Variants in CSMD1 observed in about 807,000 individuals in gnomAD.
The protein encoded by CSMD1 is CUB and Sushi multiple domains 1, also known as CUB and sushi domain-containing protein 1.
CSMD1 carries 213 observed loss-of-function variants against 417.5 expected under a neutral mutation model. The observed-to-expected ratio is 0.51, with a 90% CI of 0.46 to 0.57. The LOEUF (loss-of-function observed/expected upper bound fraction) is 0.57, where lower values mean the gene tolerates loss of function less well. Ranked by LOEUF, CSMD1 falls within the 20% of genes least tolerant of loss-of-function variation. CSMD1 has a pLI of 0.00. For synonymous variants in CSMD1, 2,862 were observed against 1,736.8 expected (o/e 1.65, Z -16.11); for missense variants, 6,923 against 4,529.7 (o/e 1.53, Z -15.17).
At chr8:4,978,819 TC>T (rs754036144) in intron 1 of CSMD1, among the ~76,000 whole-genome samples, 97 of 152,198 alleles carry the variant, frequency 6.4e-4, no homozygotes, top group Non-Finnish European at 1.0e-3. Flanking sequence ...GTGCCTGTAA[TC>T]CCAGCTACTC....
At chr8:4,069,051 G>C (rs1000238582) in intron 3 of CSMD1, among the ~76,000 whole-genome samples, 2 of 151,992 alleles carry the variant, frequency 1.3e-5, no homozygotes, top group Non-Finnish European at 2.9e-5. Context: ...TCCTTCTATA[G>C]ACTATTTACT....
intron 25 of CSMD1, among the ~76,000 whole-genome samples, chr8:3,290,078 T>A (rs1029512702): frequency 2.0e-5 from 3 of 147,158 alleles, no homozygotes. Flanking sequence ...ATTTATTAAA[T>A]AGGGAATGCT....
At chr8:4,182,365 C>G (rs1228018328) in intron 3 of CSMD1, among the ~76,000 whole-genome samples, 1 of 152,058 alleles carries the variant, frequency 6.6e-6, no homozygotes, top group Non-Finnish European at 1.5e-5. Flanking sequence ...ATGCCTTACC[C>G]AAAGTATATT....
chr8:4,428,968 C>G (rs1022458989), intron 2 of CSMD1, among the ~76,000 whole-genome samples: 31 of 152,084 alleles, frequency 2.0e-4, no homozygotes, highest in Non-Finnish European at 1.9e-4. Context: ...CCTGCCTCAT[C>G]CTCCCAAAGT....
chr8:4,448,773 C>G (rs183932021), intron 2 of CSMD1, among the ~76,000 whole-genome samples: 1 of 152,240 alleles, frequency 6.6e-6, no homozygotes, highest in Non-Finnish European at 1.5e-5. Flanking sequence ...ATATTTAAGG[C>G]TTTAAATGAT....
chr8:4,726,235 A>C (rs1218412704), intron 1 of CSMD1, among the ~76,000 whole-genome samples: 2 of 151,890 alleles, frequency 1.3e-5, no homozygotes, highest in Non-Finnish European at 2.9e-5. Context: ...GGGTCAGAAA[A>C]ACTCTTGTGT....
chr8:3,067,177 G>A (rs566751626), intron 49 of CSMD1, among the ~76,000 whole-genome samples: 49 of 152,176 alleles, frequency 3.2e-4, no homozygotes, highest in African/African-American at 1.2e-3. Flanking sequence ...AGCCAACAAG[G>A]TGCGTGGCAA....
intron 5 of CSMD1, among the ~76,000 whole-genome samples, chr8:3,772,296 TGTACATATATTTAGAC>T (rs1798622754): frequency 6.8e-6 from 1 of 146,222 alleles, no homozygotes; most frequent in African/African-American, 2.5e-5. Context: ...GACATACATA[TGTACATATATTTAGAC>T]ATACATATGT....
intron 25 of CSMD1, among the ~76,000 whole-genome samples, chr8:3,296,740 C>A (rs573456248): frequency 6.6e-6 from 1 of 152,064 alleles, no homozygotes; most frequent in Non-Finnish European, 1.5e-5. Flanking sequence ...GATGTGCTGG[C>A]CCTGTAGGTT....
At chr8:3,159,786 C>T (rs1217282642) in intron 38 of CSMD1, among the ~76,000 whole-genome samples, 1 of 152,160 alleles carries the variant, frequency 6.6e-6, no homozygotes, top group Admixed American at 6.5e-5. Flanking sequence ...ATCCACAGGC[C>T]TGTGTCCCTA....
intron 5 of CSMD1, among the ~76,000 whole-genome samples, chr8:3,918,441 T>C (rs999849124): frequency 2.0e-5 from 3 of 152,198 alleles, no homozygotes; most frequent in Non-Finnish European, 2.9e-5. Flanking sequence ...TGTCTGATAA[T>C]TAATTATATT....
intron 3 of CSMD1, among the ~76,000 whole-genome samples, chr8:4,170,587 T>A (rs138962739): frequency 1.3e-5 from 2 of 151,988 alleles, no homozygotes; most frequent in Non-Finnish European, 2.9e-5. Flanking sequence ...AGCAGTACAC[T>A]TTCAAATTCT....
intron 3 of CSMD1, among the ~76,000 whole-genome samples, chr8:4,320,458 A>G (rs918598362): frequency 9.9e-5 from 15 of 152,116 alleles, no homozygotes; most frequent in African/African-American, 2.7e-4. Context: ...TTCTGCACCT[A>G]TCAACCTGCG....
At chr8:3,780,609 T>G (rs1027432101) in intron 5 of CSMD1, among the ~76,000 whole-genome samples, 13 of 152,198 alleles carry the variant, frequency 8.5e-5, no homozygotes, top group African/African-American at 2.9e-4. Flanking sequence ...TCACTACAAC[T>G]GTCATCAAAC....
chr8:3,365,379 A>T (rs10103705), intron 20 of CSMD1, among the ~76,000 whole-genome samples: 8,627 of 152,270 alleles, frequency 0.057, 242 homozygotes, highest in Middle Eastern at 0.095. Context: ...ATCCCCAAGA[A>T]ATATTTTCCT....
At chr8:3,070,609 G>C (rs1224233651) in intron 49 of CSMD1, among the ~76,000 whole-genome samples, 1 of 152,176 alleles carries the variant, frequency 6.6e-6, no homozygotes, top group Non-Finnish European at 1.5e-5. Context: ...TTCCCAAGAA[G>C]TTTCTCATTT....
At chr8:3,295,993 A>G (rs551566452) in intron 25 of CSMD1, among the ~76,000 whole-genome samples, 4 of 152,210 alleles carry the variant, frequency 2.6e-5, no homozygotes, top group African/African-American at 9.6e-5. Context: ...GGGAAGAGAT[A>G]GGCAAACCAC....
At chr8:4,970,223 A>G (rs925866553) in intron 1 of CSMD1, among the ~76,000 whole-genome samples, 3 of 152,104 alleles carry the variant, frequency 2.0e-5, no homozygotes, top group Admixed American at 6.6e-5. Context: ...TTACTCTGCC[A>G]TTCATTCACT....
At chr8:3,338,141 G>A (rs1807394648) in intron 23 of CSMD1, among the ~76,000 whole-genome samples, 1 of 152,166 alleles carries the variant, frequency 6.6e-6, no homozygotes, top group Admixed American at 6.5e-5. Context: ...TCATCCCTCT[G>A]AGGTGCTAAA....
Sources: gnomAD v4.1 joint callset for allele counts (sites outside exome capture counted in the v4.1 genomes callset) on GRCh38, gnomAD v4.1.1 for gene constraint, MANE v1.5 for transcripts, NCBI Gene and HGNC (gene_info 2026-07-23, HGNC 2026-07-21) for gene names.